The following PRMT8 variants were observed in gnomAD, a reference collection of about 807,000 sequenced individuals.
PRMT8 encodes protein arginine N-methyltransferase 8.
PRMT8 carries 7 observed loss-of-function variants against 47.1 expected under a neutral mutation model. That is an observed-to-expected ratio of 0.15 (90% confidence interval 0.08 to 0.28). PRMT8 has a LOEUF of 0.28. PRMT8 is among the 10% of genes least tolerant of loss of function. PRMT8 has a pLI of 1.00. For missense variants in PRMT8, 237 were observed against 505.4 expected, an observed-to-expected ratio of 0.47 and a Z score of 5.09; for synonymous variants, 188 against 186.5, an observed-to-expected ratio of 1.01 and a Z score of -0.07.
At chr12:3,391,143 G>T (rs1864188731) in intron 1 of PRMT8, among the ~76,000 whole-genome samples, 1 of 152,092 alleles carries the variant, frequency 6.6e-6, no homozygotes, top group African/African-American at 2.4e-5. Flanking sequence ...TTTTTCGGTA[G>T]ATCTTTAATG....
chr12:3,468,586 T>C (rs1846572971), intron 1 of PRMT8, among the ~76,000 whole-genome samples: 1 of 152,202 alleles, frequency 6.6e-6, no homozygotes, highest in African/African-American at 2.4e-5. Context: ...CTTTCTTCCA[T>C]ACACCAACTC....
chr12:3,543,067 A>G (rs1221082467), intron 2 of PRMT8, among the ~76,000 whole-genome samples: 1 of 152,254 alleles, frequency 6.6e-6, no homozygotes, highest in African/African-American at 2.4e-5. Flanking sequence ...CGGGCTGAGC[A>G]GGGGACTTAG....
intron 1 of PRMT8, among the ~76,000 whole-genome samples, chr12:3,478,574 A>G (rs1298301333): frequency 6.6e-6 from 1 of 152,232 alleles, no homozygotes; most frequent in Non-Finnish European, 1.5e-5. Flanking sequence ...AGGTGCTTCT[A>G]AGGCAGCAGA....
intron 1 of PRMT8, among the ~76,000 whole-genome samples, chr12:3,511,048 C>G (rs79445602): frequency 7.0e-4 from 106 of 152,338 alleles, no homozygotes; most frequent in African/African-American, 2.2e-3. Flanking sequence ...TGTAGGCTTA[C>G]CCCTTAAATA....
intron 1 of PRMT8, chr12:3,381,530 GCTTTTTTC>G (rs1426599364): frequency 7.9e-5 from 104 of 1,317,188 alleles, no homozygotes; most frequent in Non-Finnish European, 1.1e-4. Context: ...TGGGCTGTTG[GCTTTTTTC>G]CTCTTTGTCA....
At chr12:3,462,421 A>G (rs904994127) in intron 1 of PRMT8, among the ~76,000 whole-genome samples, 1 of 152,064 alleles carries the variant, frequency 6.6e-6, no homozygotes, top group African/African-American at 2.4e-5. Context: ...TTACTGATTT[A>G]CAGAAATAAC....
chr12:3,397,669 T>C (rs1193377299), intron 1 of PRMT8, among the ~76,000 whole-genome samples: 1 of 152,092 alleles, frequency 6.6e-6, no homozygotes, highest in Non-Finnish European at 1.5e-5. Context: ...TTTTTGTTTG[T>C]CTGTGCCCTG....
chr12:3,441,386 C>T (rs1408975179), intron 1 of PRMT8, among the ~76,000 whole-genome samples: 5 of 152,230 alleles, frequency 3.3e-5, no homozygotes, highest in Admixed American at 1.3e-4. Context: ...AAACAACTCA[C>T]GTTTCCTCAA....
Position 3,458,449 on chromosome 12 carries a change from G to A in PRMT8, c.48+77007G>A, listed in dbSNP as rs11062657. 7.9e-3 allele frequency among the ~76,000 whole-genome samples: 1,208 copies of A among 152,274 alleles called. 17 individuals carry two copies. Among genetic ancestry groups the A allele is most frequent in the African/African-American group, 0.027 (1,126 of 41,552 alleles). On this transcript the variant is annotated intron_variant, in intron 1 of 9. Coordinates refer to the PRMT8 transcript ENST00000452611. ...TGCCAGAGAAAACTCCCACCTTGAC[G>A]AGAGGAGGCACAGACACCAGCCTGC...
chr12:3,527,103 T>C (rs1865959140), intron 1 of PRMT8, among the ~76,000 whole-genome samples: 1 of 152,190 alleles, frequency 6.6e-6, no homozygotes, highest in Admixed American at 6.5e-5. Context: ...CTATAACTTT[T>C]TGTACTTTTA....
chr12:3,553,776 G>T (rs532931519), intron 4 of PRMT8, 62 bp downstream of exon 4: 8 of 1,445,986 alleles, frequency 5.5e-6, no homozygotes, highest in Middle Eastern at 1.7e-4. Flanking sequence ...ACACTTTCTT[G>T]TTGGGATGGC....
At chr12:3,428,319 C>CT (rs1159552421) in intron 1 of PRMT8, among the ~76,000 whole-genome samples, 7 of 150,878 alleles carry the variant, frequency 4.6e-5, no homozygotes, top group South Asian at 4.2e-4. Context: ...TTTGTCCCCG[C>CT]TTTTTTTTTC....
At chr12:3,537,049 C>T (rs1254012520) in intron 1 of PRMT8, among the ~76,000 whole-genome samples, 6 of 152,192 alleles carry the variant, frequency 3.9e-5, no homozygotes, top group African/African-American at 1.2e-4. Context: ...GCTGGGTTAA[C>T]GGATTTGTGC....
chr12:3,533,928 T>C (rs934461441), intron 1 of PRMT8, among the ~76,000 whole-genome samples: 3 of 152,236 alleles, frequency 2.0e-5, no homozygotes, highest in South Asian at 2.1e-4. Flanking sequence ...TGTGTAATTA[T>C]GCAGAACGGG....
At chr12:3,558,961 C>CCTACCTATCTATCTAT (rs372113503) in intron 4 of PRMT8, among the ~76,000 whole-genome samples, 6 of 149,990 alleles carry the variant, frequency 4.0e-5, no homozygotes, top group Non-Finnish European at 5.9e-5. Context: ...TATCTATCTA[C>CCTACCTATCTATCTAT]CTATCTATCT....
intron 1 of PRMT8, among the ~76,000 whole-genome samples, chr12:3,444,943 C>A (rs1477439123): frequency 6.6e-6 from 1 of 152,184 alleles, no homozygotes; most frequent in East Asian, 1.9e-4. Flanking sequence ...TGGAGCTCGA[C>A]CACCTGTGAT....
At chr12:3,485,468 A>G (rs1420693855) in intron 1 of PRMT8, among the ~76,000 whole-genome samples, 1 of 152,246 alleles carries the variant, frequency 6.6e-6, no homozygotes, top group African/African-American at 2.4e-5. Flanking sequence ...AAACTATCAT[A>G]TGAAAATAAA....
rs1412506085 is a variant in PRMT8 at position 3,491,851 on chromosome 12, T to C, written c.75+151T>C. On this transcript the variant is annotated intron_variant, in intron 1 of 9. Coordinates refer to ENST00000382622, the MANE Select transcript of PRMT8 (RefSeq NM_019854.5). ...CTCCTCCTGTGTGTGTGTGTGTGTG[T>C]GTGTGTGTGTGTGTGTGTGTGTGTG... 5.8e-4 allele frequency: 114 copies of C among 196,870 alleles called. 3 individuals are homozygous for C. The highest frequency in any genetic ancestry group is 2.0e-3 in the South Asian group (8 of 4,012). 12.2% of individuals were successfully genotyped at this position (196,870 alleles called of 1,614,324 possible). A position where few individuals can be genotyped will look rare whatever the true frequency, so the allele number is the denominator to read the frequency against.
intron 1 of PRMT8, among the ~76,000 whole-genome samples, chr12:3,511,697 G>C (rs1397118644): frequency 6.6e-6 from 1 of 152,190 alleles, no homozygotes; most frequent in Non-Finnish European, 1.5e-5. Context: ...GGGTGTTGGA[G>C]AGAATCCAGT....
Sources: allele counts gnomAD v4.1 joint callset (sites outside exome capture counted in the v4.1 genomes callset), GRCh38; gene constraint gnomAD v4.1.1; transcripts MANE v1.5; gene names NCBI Gene and HGNC (gene_info 2026-07-23, HGNC 2026-07-21).